NCOR1: variants seen among roughly 807,000 people sequenced by gnomAD.
NCOR1 encodes nuclear receptor corepressor 1, also known as protein phosphatase 1, regulatory subunit 109.
A neutral mutation model predicts 288.1 loss-of-function variants in NCOR1; 63 were observed. The ratio of observed to expected loss-of-function variants is 0.22; its 90% confidence interval spans 0.18 to 0.27. The LOEUF is 0.27. Among genes scored for constraint, NCOR1 ranks in the 10% least tolerant of loss-of-function variants. NCOR1 has a pLI of 1.00. For synonymous variants in NCOR1, 1,007 were observed against 1,065.9 expected, an observed-to-expected ratio of 0.94 and a Z score of 1.08; for missense variants, 2,397 against 3,019.2, an observed-to-expected ratio of 0.79 and a Z score of 4.83.
At position 16,171,798 on chromosome 17, in the gene NCOR1, T is replaced by C; in HGVS notation, c.435+5A>G. 5 of 1,567,416 alleles carry C rather than the reference T, an allele frequency of 3.2e-6. No individual in the cohort carries two copies. Among genetic ancestry groups the C allele is most frequent in the Non-Finnish European group, 4.3e-6 (5 of 1,160,562 alleles). ...ACTCTACAGGGTAAGAGAACAAATA[T>C]TTACCTTCTTAGCATCTGCAGAAGC... On this transcript the variant is annotated splice_donor_5th_base_variant and intron_variant, in intron 4 of 45. Transcript: ENST00000268712.
At chr17:16,122,479 C>T (rs1378794009) in intron 15 of NCOR1, 1 of 152,180 alleles carries the variant, frequency 6.6e-6, no homozygotes, top group African/African-American at 2.4e-5. Flanking sequence ...ATCAAATGAC[C>T]TCTTCTCAAT....
At chr17:16,127,395 ATGTG>A (rs1395467014) in intron 14 of NCOR1, among the ~76,000 whole-genome samples, 2 of 105,736 alleles carry the variant, frequency 1.9e-5, no homozygotes, top group Non-Finnish European at 1.9e-5. Flanking sequence ...GTATATATAC[ATGTG>A]TATATGTGTA....
intron 10 of NCOR1, among the ~76,000 whole-genome samples, chr17:16,144,473 A>T (rs1318930709): frequency 6.6e-6 from 1 of 152,166 alleles, no homozygotes; most frequent in Non-Finnish European, 1.5e-5. Flanking sequence ...TAGTGGGTAC[A>T]TGTGCAAGTT....
In NCOR1 at chr17:16,032,369, T is replaced by C. The variant is rs1567603370; in HGVS notation, c.7250A>G (p.Asn2417Ser). The C allele has an allele frequency of 6.2e-7, 1 of 1,614,148 alleles. No individual in the cohort carries two copies. The highest frequency in any genetic ancestry group is 1.1e-5 in the South Asian group (1 of 91,064). ...GGCAGGCTCTCGCTCCCAGATCCTG[T>C]TCTGTTGGTGAGGAGCTGCTTGGTT... is the stretch of plus-strand genomic sequence containing the variant. ...AVNQAAPHQQ[N>S]RIWEREPAPL... The change falls in exon 46 of 46, where the codon AAC becomes AGC. Residue 2417 changes from asparagine to serine, a missense_variant. Physicochemically the swap from Asn to Ser is conservative, Grantham distance 46. Transcript: ENST00000268712.
Position 16,080,508 on chromosome 17 carries a change from AGCTGTGGAAAG to A in NCOR1, c.3299-10_3299del, listed in dbSNP as rs776902854. On this transcript the variant is annotated splice_acceptor_variant and splice_polypyrimidine_tract_variant and coding_sequence_variant and intron_variant, in exon 25 of 46. Coordinates refer to ENST00000268712, the MANE Select transcript of NCOR1 (RefSeq NM_006311.4). LOFTEE classifies it high-confidence loss of function. ...CTTCCTGCTTGATGTAGGGCAAAGT[AGCTGTGGAAAG>A]GCAGAGAAACATGAAACAATCCAGT... 1.9e-6 allele frequency: 3 copies of A among 1,614,106 alleles called. No homozygotes were observed. The Admixed American group carries it at 5.0e-5, about 27-fold the overall frequency.
chr17:16,101,774 A>C lies in NCOR1; in HGVS notation c.2183-17T>G. The stretch of plus-strand genomic sequence containing the variant: ...CAGCTTCAACTGGTGAAGGAGAAGG[A>C]GCACTTTCTGTATCAGAACTATTTT... On this transcript the variant is annotated splice_polypyrimidine_tract_variant and intron_variant, in intron 19 of 45. Coordinates refer to ENST00000268712, the MANE Select transcript of NCOR1 (RefSeq NM_006311.4). 11 of 1,613,938 alleles carry C rather than the reference A, an allele frequency of 6.8e-6. No individual in the cohort carries two copies. Among genetic ancestry groups the C allele is most frequent in the Non-Finnish European group, 8.5e-6 (10 of 1,179,866 alleles).
In NCOR1 at chr17:16,075,526, A is replaced by G; in HGVS notation, c.3670+8T>C. 1.9e-6 allele frequency: 3 copies of G among 1,614,004 alleles called. No individual in the cohort carries two copies. The highest frequency in any genetic ancestry group is 1.3e-5 in the African/African-American group (1 of 75,048). ...ATACTGGCTTTGGTGCATACATACA[A>G]TACTTACTATCATATGACAAGATAT... On this transcript the variant is annotated splice_region_variant and intron_variant, in intron 27 of 45. Coordinates refer to ENST00000268712, the MANE Select transcript of NCOR1 (RefSeq NM_006311.4).
chr17:16,031,561 A>G lies in NCOR1; in HGVS notation c.*735T>C. 1 of 219,122 alleles carries G rather than the reference A, an allele frequency of 4.6e-6. No individual in the cohort carries two copies. The highest frequency in any genetic ancestry group is 9.2e-6 in the Non-Finnish European group (1 of 109,188). The allele number at this position is 219,122 out of a possible 1,614,324, so 13.6% of individuals were successfully genotyped here. On this transcript the variant is annotated 3_prime_UTR_variant, in exon 46 of 46. Transcript: ENST00000268712. ...CCTTTAAAACTTTATAAACTGAACT[A>G]GAACATACCCATGCAGTAATATTTT...
chr17:16,213,820 T>C (rs920210787), intron 1 of NCOR1, among the ~76,000 whole-genome samples: 2 of 152,174 alleles, frequency 1.3e-5, no homozygotes, highest in Non-Finnish European at 2.9e-5. Flanking sequence ...AGAGCAAGAA[T>C]CAAGATACTT....
chr17:16,056,297 ATTCTTT>A (rs1644477495), intron 40 of NCOR1, among the ~76,000 whole-genome samples: 1 of 130,758 alleles, frequency 7.6e-6, no homozygotes, highest in Non-Finnish European at 1.6e-5. Context: ...TGTTCTCAGC[ATTCTTT>A]TTATCTTTTT....
At chr17:16,214,559 T>C (rs1352911909) in intron 1 of NCOR1, among the ~76,000 whole-genome samples, 1 of 152,322 alleles carries the variant, frequency 6.6e-6, no homozygotes, top group African/African-American at 2.4e-5. Flanking sequence ...GTTAACTCTG[T>C]GGAAGAGGCA....
chr17:16,131,453 A>G (rs1419289869), intron 14 of NCOR1, among the ~76,000 whole-genome samples: 1 of 152,192 alleles, frequency 6.6e-6, no homozygotes, highest in Non-Finnish European at 1.5e-5. Context: ...CTAACTATAT[A>G]TATGTGCTAA....
Position 16,075,560 on chromosome 17 carries a change from T to G in NCOR1, c.3644A>C (p.Lys1215Thr). The G allele has an allele frequency of 6.2e-7, 1 of 1,614,236 alleles. No individual in the cohort carries two copies. The highest frequency in any genetic ancestry group is 2.2e-5 in the East Asian group (1 of 44,890). ...ASKGHVIYEG[K>T]SGHILSYDNI... ...ATCATATGACAAGATATGTCCACTTTTGCCTTCATAAATAACATGGCCTTT... is the reference window on the plus strand; with the variant it reads ...ATCATATGACAAGATATGTCCACTTGTGCCTTCATAAATAACATGGCCTTT... Residue 1215 changes from lysine to threonine, a missense_variant, in exon 27 of 46, where the codon AAA becomes ACA. Transcript: ENST00000268712.
intron 14 of NCOR1, among the ~76,000 whole-genome samples, chr17:16,129,092 T>C (rs2075208307): frequency 6.6e-6 from 1 of 152,238 alleles, no homozygotes; most frequent in Non-Finnish European, 1.5e-5. Flanking sequence ...GATTTCAAAA[T>C]GCATGTCAAT....
intron 26 of NCOR1, among the ~76,000 whole-genome samples, chr17:16,076,032 G>A (rs1275902110): frequency 6.6e-6 from 1 of 152,160 alleles, no homozygotes; most frequent in Non-Finnish European, 1.5e-5. Context: ...AAATGTAACA[G>A]CTTTTATTAG....
Position 16,086,386 on chromosome 17 carries a change from G to A in NCOR1, c.3073C>T (p.Pro1025Ser), listed in dbSNP as rs2064232293. ...GGTGGCCTGGTTGGTCGAGTTGTCG[G>A]AAGCCGAACGCCTTCAGGGAGATTA... The part of the protein sequence containing the change: ...ITNLPEGVRL[P>S]TTRPTRPPPP... Residue 1025 changes from proline to serine, a missense_variant, in exon 23 of 46, where the codon CCG becomes TCG. By Grantham distance (74) the Pro-to-Ser change is moderately conservative (BLOSUM62 -1). Around this residue, in one of 11 missense-constraint regions of NCOR1, gnomAD observed 1,872 missense variants for 2,187.8 expected, o/e 0.86. Transcript: ENST00000268712. The A allele has an allele frequency of 6.2e-7, 1 of 1,614,118 alleles. No individual in the cohort carries two copies. The highest frequency in any genetic ancestry group is 8.5e-7 in the Non-Finnish European group (1 of 1,179,994).
intron 40 of NCOR1, among the ~76,000 whole-genome samples, chr17:16,053,847 A>G (rs755917794): frequency 8.5e-5 from 13 of 152,108 alleles, no homozygotes; most frequent in Non-Finnish European, 1.5e-4. Flanking sequence ...AAGATAAGAC[A>G]CACAGACCAA....
At chr17:16,046,784 A>G in intron 42 of NCOR1, 167 bp downstream of exon 42, 1 of 717,386 alleles carries the variant, frequency 1.4e-6, no homozygotes, top group East Asian at 3.1e-5. Context: ...CCTAATTAGA[A>G]CTCTTCATGG....
At chr17:16,046,851 T>TA (rs1238916611) in intron 42 of NCOR1, 100 bp downstream of exon 42, 1 of 1,385,140 alleles carries the variant, frequency 7.2e-7, no homozygotes, top group Non-Finnish European at 9.9e-7. Context: ...AGATGTCCTG[T>TA]AAAGAGCCTT....
Sources: allele counts gnomAD v4.1 joint callset (sites outside exome capture counted in the v4.1 genomes callset), GRCh38; gene constraint gnomAD v4.1.1; regional missense constraint gnomAD v4.1.1; transcripts MANE v1.5; gene names NCBI Gene and HGNC (gene_info 2026-07-23, HGNC 2026-07-21).